NSL1: variants seen among roughly 807,000 people sequenced by gnomAD.
NSL1 encodes kinetochore-associated protein NSL1 homolog.
In NSL1, 11 loss-of-function variants were observed where a neutral mutation model predicts 25.4. That is an observed-to-expected ratio of 0.43 (90% CI 0.27 to 0.72). NSL1 has a LOEUF of 0.72. Among genes scored for constraint, NSL1 ranks in the 30% least tolerant of loss-of-function variants. NSL1 has a pLI of 0.19. For synonymous variants in NSL1, 118 were observed against 120.6 expected (o/e 0.98, Z 0.14); for missense variants, 330 against 342.7 (o/e 0.96, Z 0.29).
rs145670623 is a variant in NSL1 at position 212,760,486 on chromosome 1, C to T, written c.500-20885G>A. 6.6e-6 allele frequency among the ~76,000 whole-genome samples: 1 copy of T among 152,252 alleles called. No homozygotes were observed. Among genetic ancestry groups the T allele is most frequent in the Non-Finnish European group, 1.5e-5 (1 of 67,996 alleles). On this transcript the variant is annotated intron_variant, in intron 4 of 5. Transcript: ENST00000366977. The surrounding 1 kb of genome is among the most constrained non-coding windows in gnomAD (Gnocchi z 4.3). ...GTCCTGAGGTTCACCCCACTGGCCA[C>T]TACTGCCGGCATCCACACACTCCTC...
Position 212,766,289 on chromosome 1 carries a change from G to T in NSL1, c.499+16083C>A, listed in dbSNP as rs528624427. 87 of 608,814 alleles carry T rather than the reference G, an allele frequency of 1.4e-4. 3 individuals carry two copies. The South Asian group carries it at 1.7e-3, about 12-fold the overall frequency. 37.7% of individuals were successfully genotyped at this position (608,814 alleles called of 1,614,324 possible). On this transcript the variant is annotated intron_variant, in intron 4 of 5. Coordinates refer to ENST00000366977, the MANE Select transcript of NSL1 (RefSeq NM_015471.4). ...CCGTTGAGAACTGGAACAAGACAAA[G>T]ATGCCCACTTTCACCACTTCTATTC... is the stretch of plus-strand genomic sequence containing the variant.
At position 212,727,031 on chromosome 1, in the gene NSL1, G is replaced by C; in HGVS notation, c.*11377C>G. The C allele has an allele frequency of 7.1e-7, 1 of 1,408,500 alleles. No individual in the cohort carries two copies. Among genetic ancestry groups the C allele is most frequent in the Non-Finnish European group, 9.6e-7 (1 of 1,041,662 alleles). The allele number at this position is 1,408,500 out of a possible 1,614,324, so 87.3% of individuals were successfully genotyped here. A position where few individuals can be genotyped will look rare whatever the true frequency, so the allele number is the denominator to read the frequency against. On this transcript the variant is annotated 3_prime_UTR_variant, in exon 6 of 6. Coordinates refer to ENST00000366977, the MANE Select transcript of NSL1 (RefSeq NM_015471.4). ...CAGTCCAGTCTACTCCGGCCTTGGA[G>C]ATGACTGCCGAGAGAGGGAGGGCGG...
chr1:212,736,973 A>T lies in NSL1; in HGVS notation c.*1435T>A. On this transcript the variant is annotated 3_prime_UTR_variant, in exon 6 of 6. Coordinates refer to ENST00000366977, the MANE Select transcript of NSL1 (RefSeq NM_015471.4). ...CTTTTGTTTGGGGACCTCTGAAGTGAAACAAATCATACAGAATTTTAATAC... is the reference window on the plus strand; with the variant it reads ...CTTTTGTTTGGGGACCTCTGAAGTGTAACAAATCATACAGAATTTTAATAC... The T allele has an allele frequency of 1.0e-6, 1 of 984,586 alleles. No homozygotes were observed. Among genetic ancestry groups the T allele is most frequent in the Non-Finnish European group, 1.2e-6 (1 of 829,160 alleles). The allele number at this position is 984,586 out of a possible 1,614,324, so 61.0% of individuals were successfully genotyped here. A position where few individuals can be genotyped will look rare whatever the true frequency, so the allele number is the denominator to read the frequency against.
At chr1:212,771,027 C>T (rs943843116) in intron 4 of NSL1, among the ~76,000 whole-genome samples, 2 of 152,134 alleles carry the variant, frequency 1.3e-5, no homozygotes, top group African/African-American at 4.8e-5. Flanking sequence ...AAAAAACTCT[C>T]AACAGGCCAG....
At position 212,731,813 on chromosome 1, in the gene NSL1, G is replaced by C; in HGVS notation, c.*6595C>G. 6 of 985,400 alleles carry C rather than the reference G, an allele frequency of 6.1e-6. No homozygotes were observed. In the South Asian group the frequency reaches 2.8e-4, roughly 46 times the overall value. 61.0% of individuals were successfully genotyped at this position (985,400 alleles called of 1,614,324 possible). A position where few individuals can be genotyped will look rare whatever the true frequency, so the allele number is the denominator to read the frequency against. ...TCACACTGTTACAAACATATGGATTGTACTGGTTGGCACAGAAGCCTCCTC... is the reference window on the plus strand; with the variant it reads ...TCACACTGTTACAAACATATGGATTCTACTGGTTGGCACAGAAGCCTCCTC... On this transcript the variant is annotated 3_prime_UTR_variant, in exon 6 of 6. Transcript: ENST00000366977.
intron 4 of NSL1, among the ~76,000 whole-genome samples, chr1:212,777,341 C>T (rs1027562463): frequency 4.6e-5 from 7 of 151,856 alleles, no homozygotes; most frequent in African/African-American, 1.7e-4. Flanking sequence ...CATACCACTG[C>T]AGTTCAGCCT....
At chr1:212,779,149 G>A (rs1391395964) in intron 4 of NSL1, among the ~76,000 whole-genome samples, 2 of 151,284 alleles carry the variant, frequency 1.3e-5, no homozygotes, top group Admixed American at 6.6e-5. Flanking sequence ...TGAGAAATGA[G>A]GAGCCCCTCC....
At chr1:212,768,236 C>T (rs10127512) in intron 4 of NSL1, among the ~76,000 whole-genome samples, 30,659 of 144,448 alleles carry the variant, frequency 0.21, 3,921 homozygotes, top group African/African-American at 0.38. Flanking sequence ...AGGAGAATGG[C>T]GTGCACCTGG....
At chr1:212,790,931 A>T (rs1386646046) in intron 1 of NSL1, among the ~76,000 whole-genome samples, 2,214 of 144,864 alleles carry the variant, frequency 0.015, 58 homozygotes, top group African/African-American at 0.052. Context: ...TCAAAAAAAA[A>T]AAATAAAATA....
intron 4 of NSL1, among the ~76,000 whole-genome samples, chr1:212,745,542 T>C (rs1182134455): frequency 6.6e-6 from 1 of 152,148 alleles, no homozygotes; most frequent in Non-Finnish European, 1.5e-5. Context: ...CCATGAAGAA[T>C]AGAGCACTGG....
intron 4 of NSL1, among the ~76,000 whole-genome samples, chr1:212,752,310 C>T (rs566594173): frequency 8.1e-4 from 123 of 152,188 alleles, no homozygotes; most frequent in Non-Finnish European, 1.4e-3. Context: ...AAAACTCAGA[C>T]TTACATGAAT....
intron 4 of NSL1, among the ~76,000 whole-genome samples, chr1:212,779,562 T>G (rs3122338): frequency 0.87 from 36,338 of 41,984 alleles, 16,049 homozygotes; most frequent in Middle Eastern, 0.94. Context: ...GAGGTGGGGG[T>G]GTCAGCCCCC....
At chr1:212,783,789 A>G (rs1413384589) in intron 3 of NSL1, among the ~76,000 whole-genome samples, 1 of 152,196 alleles carries the variant, frequency 6.6e-6, no homozygotes, top group Non-Finnish European at 1.5e-5. Flanking sequence ...TATAGTAATT[A>G]TAAGAAGGAA....
At position 212,739,532 on chromosome 1, in the gene NSL1, AC is replaced by A; in HGVS notation, c.567+1del. 1 of 1,613,142 alleles carries A rather than the reference AC, an allele frequency of 6.2e-7. No individual in the cohort carries two copies. The highest frequency in any genetic ancestry group is 8.5e-7 in the Non-Finnish European group (1 of 1,179,532). On this transcript the variant is annotated splice_donor_variant, in intron 5 of 5. Coordinates refer to ENST00000366977, the MANE Select transcript of NSL1 (RefSeq NM_015471.4). LOFTEE classifies it high-confidence loss of function. Reference sequence around the variant, plus strand: ...ATAATTTTTTTAGCACATAGCTTTTACCTTCATGGCTTCACTGATCTCCTTT... The same window carrying A: ...ATAATTTTTTTAGCACATAGCTTTTACTTCATGGCTTCACTGATCTCCTTT...
chr1:212,752,616 G>A (rs954113814), intron 4 of NSL1, among the ~76,000 whole-genome samples: 1 of 152,192 alleles, frequency 6.6e-6, no homozygotes, highest in African/African-American at 2.4e-5. Context: ...ATAAAAGGTT[G>A]TAAATGTCAA....
In NSL1 at chr1:212,736,042, CTTA is replaced by C. The variant is rs1306266953; in HGVS notation, c.*2363_*2365del. Reference sequence around the variant, plus strand: ...CTAGACTTAACCTTCTTGTGTTCTTCTTATTATTATTTTGAAACAGGGTCTCAC... The same window carrying C: ...CTAGACTTAACCTTCTTGTGTTCTTCTTATTATTTTGAAACAGGGTCTCAC... On this transcript the variant is annotated 3_prime_UTR_variant, in exon 6 of 6. Transcript: ENST00000366977. The C allele has an allele frequency of 3.0e-6, 3 of 985,180 alleles. No individual in the cohort carries two copies. Among genetic ancestry groups the C allele is most frequent in the African/African-American group, 1.7e-5 (1 of 57,218 alleles). 61.0% of individuals were successfully genotyped at this position (985,180 alleles called of 1,614,324 possible).
At chr1:212,779,982 C>T (rs1411183780) in intron 4 of NSL1, among the ~76,000 whole-genome samples, 13 of 151,192 alleles carry the variant, frequency 8.6e-5, no homozygotes, top group South Asian at 4.2e-4. Flanking sequence ...TCTGCCCGGC[C>T]GCCACCCCGT....
intron 1 of NSL1, among the ~76,000 whole-genome samples, chr1:212,791,289 A>C (rs1167574271): frequency 6.6e-6 from 1 of 152,242 alleles, no homozygotes; most frequent in Non-Finnish European, 1.5e-5. Context: ...TTAGTTTAAA[A>C]CTACATAAAG....
intron 4 of NSL1, among the ~76,000 whole-genome samples, chr1:212,745,127 C>T (rs1017087041): frequency 9.5e-5 from 14 of 146,604 alleles, no homozygotes; most frequent in Admixed American, 8.5e-4. Context: ...CAGAGTGAGA[C>T]TCCATCTCAA....
Sources: allele counts gnomAD v4.1 joint callset (sites outside exome capture counted in the v4.1 genomes callset), GRCh38; gene constraint gnomAD v4.1.1; non-coding constraint Gnocchi (gnomAD v3.1); transcripts MANE v1.5; gene names NCBI Gene and HGNC (gene_info 2026-07-23, HGNC 2026-07-21).